The following TAFA5 variants were observed in gnomAD, a reference collection of about 807,000 sequenced individuals.
TAFA5 encodes the protein chemokine-like protein TAFA-5.
TAFA5 carries 6 observed loss-of-function variants against 15.3 expected under a neutral mutation model. The ratio of observed to expected loss-of-function variants is 0.39; its 90% CI spans 0.21 to 0.77. The LOEUF (loss-of-function observed/expected upper bound fraction) is 0.77. Ranked by LOEUF, TAFA5 falls within the 30% of genes least tolerant of loss-of-function variation. TAFA5 has a pLI of 0.41. For synonymous variants in TAFA5, 103 were observed against 80.7 expected, an observed-to-expected ratio of 1.28 and a Z score of -1.48; for missense variants, 161 against 193.1, an observed-to-expected ratio of 0.83 and a Z score of 0.98.
chr22:48,542,815 G>GGT (rs112262132), intron 1 of TAFA5, among the ~76,000 whole-genome samples: 1 of 144,918 alleles, frequency 6.9e-6, no homozygotes, highest in African/African-American at 2.6e-5. Flanking sequence ...TGATGTGTAT[G>GGT]GTGTGTGTGT....
chr22:48,610,265 A>G (rs1226113295), intron 1 of TAFA5, among the ~76,000 whole-genome samples: 3 of 151,994 alleles, frequency 2.0e-5, no homozygotes, highest in African/African-American at 7.3e-5. Context: ...GCTGCATCCC[A>G]GCGTTTGGCA....
At chr22:48,555,724 G>A (rs1366093431) in intron 1 of TAFA5, among the ~76,000 whole-genome samples, 2 of 152,274 alleles carry the variant, frequency 1.3e-5, no homozygotes, top group Non-Finnish European at 2.9e-5. Flanking sequence ...GACCTTGTCC[G>A]ATCCCCTGAG....
intron 1 of TAFA5, among the ~76,000 whole-genome samples, chr22:48,509,822 G>A (rs1310025216): frequency 6.6e-6 from 1 of 151,876 alleles, no homozygotes; most frequent in African/African-American, 2.4e-5. Flanking sequence ...ACAGTGGCGG[G>A]CGCCTGTAGT....
intron 3 of TAFA5, among the ~76,000 whole-genome samples, chr22:48,737,708 T>C (rs1930070129): frequency 6.6e-6 from 1 of 152,160 alleles, no homozygotes; most frequent in Non-Finnish European, 1.5e-5. Flanking sequence ...CAGTGCAGCC[T>C]CAGGGATGGA....
Position 48,598,339 on chromosome 22 carries a change from C to T in TAFA5, c.113-48258C>T, listed in dbSNP as rs1406745438. ...AGAATCATTTGACCAAACCTGTGGG[C>T]ACTGTGGCTCCGTCAAGTTGACACA... On this transcript the variant is annotated intron_variant, in intron 1 of 3. Coordinates refer to ENST00000402357, the MANE Select transcript of TAFA5 (RefSeq NM_001082967.3). This position sits in a 1 kb window ranked among gnomAD's most constrained non-coding sequence, Gnocchi z 4.0. Among the ~76,000 whole-genome samples the T allele has an allele frequency of 1.3e-5, 2 of 152,180 alleles. No homozygotes were observed. The highest frequency in any genetic ancestry group is 4.8e-5 in the African/African-American group (2 of 41,438).
chr22:48,633,512 GTC>G (rs1162355062), intron 1 of TAFA5, among the ~76,000 whole-genome samples: 2 of 61,858 alleles, frequency 3.2e-5, no homozygotes, highest in South Asian at 1.6e-3. Flanking sequence ...CTGTCTGTCT[GTC>G]TGTCTGTCTG....
intron 1 of TAFA5, among the ~76,000 whole-genome samples, chr22:48,556,812 C>T (rs770419549): frequency 2.0e-5 from 3 of 152,204 alleles, no homozygotes; most frequent in Non-Finnish European, 4.4e-5. Context: ...AGGGCCCAAC[C>T]TCCACAGCCC....
intron 2 of TAFA5, among the ~76,000 whole-genome samples, chr22:48,657,365 T>A (rs1320010800): frequency 6.6e-6 from 1 of 152,038 alleles, no homozygotes; most frequent in Admixed American, 6.5e-5. Flanking sequence ...CTATGTTAAG[T>A]AAAAACAAGG....
At chr22:48,519,679 G>A (rs899954649) in intron 1 of TAFA5, among the ~76,000 whole-genome samples, 1 of 152,142 alleles carries the variant, frequency 6.6e-6, no homozygotes, top group Non-Finnish European at 1.5e-5. Flanking sequence ...CGGGCAAATC[G>A]CGTTCTTCTT....
At chr22:48,546,169 G>A (rs1351061283) in intron 1 of TAFA5, among the ~76,000 whole-genome samples, 1 of 152,258 alleles carries the variant, frequency 6.6e-6, no homozygotes, top group African/African-American at 2.4e-5. Context: ...CCCGGAAGAA[G>A]CGTGCCTCCC....
At chr22:48,508,889 A>G (rs906403180) in intron 1 of TAFA5, among the ~76,000 whole-genome samples, 6 of 152,040 alleles carry the variant, frequency 3.9e-5, no homozygotes, top group South Asian at 2.1e-4. Flanking sequence ...TGGTCGCCCT[A>G]CTGTGCATAG....
intron 3 of TAFA5, among the ~76,000 whole-genome samples, chr22:48,708,618 A>G (rs1471193346): frequency 6.6e-6 from 1 of 152,200 alleles, no homozygotes; most frequent in Non-Finnish European, 1.5e-5. Context: ...ACTCCTCACT[A>G]GCGAGTGGCA....
intron 2 of TAFA5, among the ~76,000 whole-genome samples, chr22:48,676,236 CCTG>C (rs1229835788): frequency 6.6e-6 from 1 of 152,234 alleles, no homozygotes; most frequent in Admixed American, 6.5e-5. Flanking sequence ...ATGGTCTTGG[CCTG>C]TCCCTCCCAC....
intron 1 of TAFA5, among the ~76,000 whole-genome samples, chr22:48,626,650 C>T (rs1926034746): frequency 6.6e-6 from 1 of 152,332 alleles, no homozygotes; most frequent in Middle Eastern, 3.4e-3. Context: ...TTTTCATCCT[C>T]TTCACAGTGT....
intron 2 of TAFA5, among the ~76,000 whole-genome samples, chr22:48,657,440 T>C (rs1927289626): frequency 6.6e-6 from 1 of 152,122 alleles, no homozygotes; most frequent in Non-Finnish European, 1.5e-5. Flanking sequence ...GGTGAATTGG[T>C]CCAAACGCTT....
chr22:48,555,452 C>T (rs923737827), intron 1 of TAFA5, among the ~76,000 whole-genome samples: 5 of 152,240 alleles, frequency 3.3e-5, no homozygotes, highest in African/African-American at 1.2e-4. Context: ...GGGCTCCCAG[C>T]TCATTCCTGT....
chr22:48,542,187 C>T (rs13056130), intron 1 of TAFA5, among the ~76,000 whole-genome samples: 5 of 95,886 alleles, frequency 5.2e-5, no homozygotes, highest in African/African-American at 9.0e-5. Context: ...ATGTGTGTGT[C>T]GTGTGTATGT....
chr22:48,689,011 AGAG>A (rs1235024984), intron 2 of TAFA5, among the ~76,000 whole-genome samples: 8 of 91,918 alleles, frequency 8.7e-5, no homozygotes, highest in East Asian at 3.2e-4. Flanking sequence ...AAAAAAAAAA[AGAG>A]AGAGAAAACC....
chr22:48,521,919 G>T (rs568906738), intron 1 of TAFA5, among the ~76,000 whole-genome samples: 4 of 150,324 alleles, frequency 2.7e-5, no homozygotes, highest in Non-Finnish European at 4.5e-5. Context: ...TGTAGCTCCT[G>T]CTCAGACCAA....
Sources: gnomAD v4.1 joint callset for allele counts (sites outside exome capture counted in the v4.1 genomes callset) on GRCh38, gnomAD v4.1.1 for gene constraint, Gnocchi (gnomAD v3.1) non-coding constraint, MANE v1.5 for transcripts, NCBI Gene and HGNC (gene_info 2026-07-23, HGNC 2026-07-21) for gene names.